Variants in SPIRE1 observed in about 807,000 individuals in gnomAD.
The protein encoded by SPIRE1 is spire type actin nucleation factor 1.
In SPIRE1, 40 loss-of-function variants were observed where a neutral mutation model predicts 94.1. That is an observed-to-expected ratio of 0.43 (90% CI 0.33 to 0.55). SPIRE1 has a LOEUF of 0.55. Ranked by LOEUF, SPIRE1 falls within the 20% of genes least tolerant of loss-of-function variation. The pLI, the probability that SPIRE1 is intolerant of heterozygous loss-of-function variation, is 0.06. For synonymous variants in SPIRE1, 376 were observed against 371.7 expected (o/e 1.01, Z -0.13); for missense variants, 838 against 975.2 (o/e 0.86, Z 1.87).
chr18:12,565,872 A>G (rs1185189649), intron 2 of SPIRE1, among the ~76,000 whole-genome samples: 1 of 151,314 alleles, frequency 6.6e-6, no homozygotes, highest in East Asian at 2.0e-4. Context: ...CATCTCTACT[A>G]TAAATACAAA....
At chr18:12,615,626 CATT>C (rs780079648) in intron 2 of SPIRE1, among the ~76,000 whole-genome samples, 20 of 144,764 alleles carry the variant, frequency 1.4e-4, no homozygotes, top group East Asian at 2.1e-4. Flanking sequence ...TAAAATATAA[CATT>C]ATTATCACCT....
At chr18:12,469,751 A>ATT (rs2032275286) in intron 10 of SPIRE1, among the ~76,000 whole-genome samples, 1 of 144,572 alleles carries the variant, frequency 6.9e-6, no homozygotes, top group Non-Finnish European at 1.5e-5. Flanking sequence ...ATATAATATA[A>ATT]TTATATATAT....
chr18:12,625,812 G>A (rs1027346355), intron 2 of SPIRE1, among the ~76,000 whole-genome samples: 1 of 152,148 alleles, frequency 6.6e-6, no homozygotes, highest in African/African-American at 2.4e-5. Context: ...GGAGGCCAAG[G>A]CGGGTGGATC....
rs1041167450 is a variant in SPIRE1 at position 12,559,962 on chromosome 18, A to C, written c.373-13058T>G. Among the ~76,000 whole-genome samples, 3 of 152,252 alleles carry C rather than the reference A, an allele frequency of 2.0e-5. No individual in the cohort carries two copies. Among genetic ancestry groups the C allele is most frequent in the Non-Finnish European group, 1.5e-5 (1 of 68,042 alleles). Reference sequence around the variant, plus strand: ...CCGAATAGACATTTCTCAAAGTAAGAATTAGAAATGGCAAACAGGTATATG... The same window carrying C: ...CCGAATAGACATTTCTCAAAGTAAGCATTAGAAATGGCAAACAGGTATATG... On this transcript the variant is annotated intron_variant, in intron 2 of 16. Coordinates refer to ENST00000409402, the MANE Select transcript of SPIRE1 (RefSeq NM_001128626.2). The surrounding 1 kb of genome is among the most constrained non-coding windows in gnomAD (Gnocchi z 4.7).
chr18:12,550,563 T>C (rs1425334375), intron 2 of SPIRE1, among the ~76,000 whole-genome samples: 1 of 152,088 alleles, frequency 6.6e-6, no homozygotes, highest in African/African-American at 2.4e-5. Context: ...GGTCTTGCTA[T>C]GTTGCGCAGG....
At chr18:12,466,424 G>A (rs893596299) in intron 10 of SPIRE1, among the ~76,000 whole-genome samples, 1 of 152,004 alleles carries the variant, frequency 6.6e-6, no homozygotes, top group African/African-American at 2.4e-5. Flanking sequence ...TTACAGGTGA[G>A]TGCCACCACG....
chr18:12,548,820 G>C (rs546952419), intron 2 of SPIRE1, among the ~76,000 whole-genome samples: 1 of 152,216 alleles, frequency 6.6e-6, no homozygotes, highest in South Asian at 2.1e-4. Context: ...TCACCATGTT[G>C]TCCAAGCTGG....
intron 2 of SPIRE1, among the ~76,000 whole-genome samples, chr18:12,554,338 AAAGGATT>A (rs2035440909): frequency 1.3e-5 from 2 of 152,016 alleles, no homozygotes; most frequent in African/African-American, 4.8e-5. Context: ...CCAGAAAGTC[AAAGGATT>A]ATTAGTGTCT....
At chr18:12,478,457 G>A (rs1396007652) in intron 10 of SPIRE1, among the ~76,000 whole-genome samples, 8 of 151,498 alleles carry the variant, frequency 5.3e-5, no homozygotes, top group South Asian at 2.1e-4. Context: ...TAGCTAGGGT[G>A]TGTGTGTGCA....
intron 13 of SPIRE1, 53 bp downstream of exon 13, chr18:12,454,293 T>C: frequency 5.0e-6 from 8 of 1,605,818 alleles, no homozygotes; most frequent in South Asian, 1.1e-5. Context: ...AGACTATGCA[T>C]GGGACTGGCC....
intron 8 of SPIRE1, among the ~76,000 whole-genome samples, chr18:12,488,757 ATACT>A (rs750439567): frequency 6.6e-5 from 10 of 152,264 alleles, no homozygotes; most frequent in East Asian, 1.9e-4. Flanking sequence ...TTTAACAATC[ATACT>A]TACTGTTCAA....
At chr18:12,510,923 T>C (rs1046235652) in intron 5 of SPIRE1, among the ~76,000 whole-genome samples, 2 of 152,196 alleles carry the variant, frequency 1.3e-5, no homozygotes, top group Non-Finnish European at 2.9e-5. Context: ...AAGTTTTATA[T>C]GACAGCAGGG....
chr18:12,464,738 AT>A, intron 11 of SPIRE1, 129 bp downstream of exon 11: 1 of 685,830 alleles, frequency 1.5e-6, no homozygotes, highest in East Asian at 2.7e-5. Flanking sequence ...TCATCTCCCG[AT>A]CAGTGAAATG....
At chr18:12,631,150 A>G (rs1229755070) in intron 2 of SPIRE1, among the ~76,000 whole-genome samples, 2 of 152,068 alleles carry the variant, frequency 1.3e-5, no homozygotes, top group Middle Eastern at 3.2e-3. Flanking sequence ...CTCATACCAC[A>G]GCTCTCAAAC....
At chr18:12,480,579 G>A (rs1045440820) in intron 9 of SPIRE1, among the ~76,000 whole-genome samples, 2 of 152,156 alleles carry the variant, frequency 1.3e-5, no homozygotes, top group Admixed American at 6.5e-5. Flanking sequence ...TCTGTGCCTA[G>A]TACAGGCAGT....
intron 2 of SPIRE1, among the ~76,000 whole-genome samples, chr18:12,632,527 AATACACAG>A (rs1170720843): frequency 1.3e-5 from 2 of 152,080 alleles, no homozygotes; most frequent in Non-Finnish European, 2.9e-5. Context: ...TTACCAAAGT[AATACACAG>A]ATACTTTTTT....
intron 2 of SPIRE1, among the ~76,000 whole-genome samples, chr18:12,598,388 CT>C (rs1162708449): frequency 6.6e-6 from 1 of 151,978 alleles, no homozygotes; most frequent in African/African-American, 2.4e-5. Context: ...AACTATACTT[CT>C]ATAACAACTG....
intron 4 of SPIRE1, among the ~76,000 whole-genome samples, chr18:12,522,038 G>A (rs1334011767): frequency 2.0e-5 from 3 of 152,168 alleles, no homozygotes; most frequent in African/African-American, 7.2e-5. Flanking sequence ...GGAAGGAAGA[G>A]TCATAAGTCT....
At chr18:12,649,867 A>C (rs192667705) in intron 1 of SPIRE1, among the ~76,000 whole-genome samples, 199 of 152,254 alleles carry the variant, frequency 1.3e-3, no homozygotes, top group Non-Finnish European at 2.2e-3. Context: ...TTATTCCAAA[A>C]TTTCTCCCCA....
Sources: gnomAD v4.1 joint callset for allele counts (sites outside exome capture counted in the v4.1 genomes callset) on GRCh38, gnomAD v4.1.1 for gene constraint, Gnocchi (gnomAD v3.1) non-coding constraint, MANE v1.5 for transcripts, NCBI Gene and HGNC (gene_info 2026-07-23, HGNC 2026-07-21) for gene names.